The following GAB2 variants were observed in gnomAD, a reference collection of about 807,000 sequenced individuals.
GAB2 encodes the protein GRB2-associated-binding protein 2.
In GAB2, 26 loss-of-function variants were observed where a neutral mutation model predicts 65.5. The observed-to-expected ratio is 0.40, with a 90% CI of 0.29 to 0.55. The LOEUF (loss-of-function observed/expected upper bound fraction) is 0.55, where lower values mean the gene tolerates loss of function less well. GAB2 is among the 20% of genes least tolerant of loss of function. The pLI is 0.53. For synonymous variants in GAB2, 321 were observed against 329.6 expected, an observed-to-expected ratio of 0.97 and a Z score of 0.28; for missense variants, 884 against 875.8, an observed-to-expected ratio of 1.01 and a Z score of -0.12.
intron 1 of GAB2, among the ~76,000 whole-genome samples, chr11:78,295,931 C>T (rs1866810921): frequency 1.3e-5 from 2 of 152,144 alleles, no homozygotes; most frequent in African/African-American, 4.8e-5. Flanking sequence ...TCTGGGGCAG[C>T]GATCCCCAAC....
chr11:78,374,597 C>T (rs1856610299), intron 1 of GAB2, among the ~76,000 whole-genome samples: 2 of 152,194 alleles, frequency 1.3e-5, no homozygotes, highest in Admixed American at 1.3e-4. Flanking sequence ...CTATTATATG[C>T]TGGTCATTAC....
intron 1 of GAB2, among the ~76,000 whole-genome samples, chr11:78,343,186 C>T (rs1458123553): frequency 6.6e-6 from 1 of 151,990 alleles, no homozygotes; most frequent in African/African-American, 2.4e-5. Context: ...TCTAGAAAAC[C>T]ACCATGAGAA....
chr11:78,236,937 C>T (rs1297946362), intron 3 of GAB2, among the ~76,000 whole-genome samples: 2 of 152,132 alleles, frequency 1.3e-5, no homozygotes, highest in Non-Finnish European at 2.9e-5. Context: ...TAGTTGGATT[C>T]GACTGCTAAT....
intron 1 of GAB2, among the ~76,000 whole-genome samples, chr11:78,417,123 G>A (rs1043436792): frequency 6.6e-6 from 1 of 152,182 alleles, no homozygotes; most frequent in Non-Finnish European, 1.5e-5. Context: ...TGACGCTGCC[G>A]GTGATGCAGC....
chr11:78,356,937 C>T (rs1856367302), intron 1 of GAB2, among the ~76,000 whole-genome samples: 1 of 152,090 alleles, frequency 6.6e-6, no homozygotes, highest in South Asian at 2.1e-4. Flanking sequence ...TATAACATAC[C>T]TAGAATCAAA....
chr11:78,335,483 C>T (rs1367035065), intron 1 of GAB2, among the ~76,000 whole-genome samples: 1 of 152,202 alleles, frequency 6.6e-6, no homozygotes, highest in Non-Finnish European at 1.5e-5. Flanking sequence ...CCCAGCAACA[C>T]TTACTGAAGA....
intron 1 of GAB2, among the ~76,000 whole-genome samples, chr11:78,361,875 T>G (rs1856439670): frequency 7.3e-6 from 1 of 136,530 alleles, no homozygotes; most frequent in Admixed American, 7.2e-5. Context: ...ATCCTAGAGA[T>G]AAACTAACAT....
At chr11:78,405,767 G>C (rs1361041966) in intron 1 of GAB2, among the ~76,000 whole-genome samples, 1 of 152,208 alleles carries the variant, frequency 6.6e-6, no homozygotes, top group East Asian at 1.9e-4. Context: ...AATTCCATGA[G>C]TTTTCTTTAT....
intron 1 of GAB2, among the ~76,000 whole-genome samples, chr11:78,406,133 T>C (rs182677336): frequency 5.1e-4 from 78 of 152,332 alleles, no homozygotes; most frequent in African/African-American, 1.6e-3. Context: ...CACCCATCCC[T>C]GTAGAGTCAC....
chr11:78,291,754 T>C (rs1866688396), intron 1 of GAB2, among the ~76,000 whole-genome samples: 1 of 150,448 alleles, frequency 6.6e-6, no homozygotes, highest in African/African-American at 2.5e-5. Flanking sequence ...TTTTTAGAGA[T>C]GGAGTCTCAC....
At chr11:78,341,058 A>T (rs10899477) in intron 1 of GAB2, among the ~76,000 whole-genome samples, 24,279 of 152,202 alleles carry the variant, frequency 0.16, 2,579 homozygotes, top group East Asian at 0.41. Flanking sequence ...AGTCAAGTTC[A>T]TGTGCCTGGC....
rs548081445 is a variant in GAB2 at position 78,405,987 on chromosome 11, G to A, written c.75+11659C>T. Reference sequence around the variant, plus strand: ...AACTGTGGTCCAACCCTCACCCACAGCAGCAAAAACTGACTGACAACCTAG... The same window carrying A: ...AACTGTGGTCCAACCCTCACCCACAACAGCAAAAACTGACTGACAACCTAG... On this transcript the variant is annotated intron_variant, in intron 1 of 9. Coordinates refer to ENST00000361507, the MANE Select transcript of GAB2 (RefSeq NM_080491.3). Among the ~76,000 whole-genome samples, 5 of 152,334 alleles carry A rather than the reference G, an allele frequency of 3.3e-5. No individual in the cohort carries two copies. The South Asian group carries it at 1.0e-3, about 32-fold the overall frequency.
At chr11:78,235,711 C>G (rs1264492011) in intron 3 of GAB2, among the ~76,000 whole-genome samples, 1 of 152,170 alleles carries the variant, frequency 6.6e-6, no homozygotes, top group Non-Finnish European at 1.5e-5. Context: ...CCAACAAGTT[C>G]CTCATCTCCA....
chr11:78,250,253 G>A lies in GAB2; in HGVS notation c.524C>T (p.Pro175Leu). The change falls in exon 3 of 10, where the codon CCT (proline) becomes CTT (leucine). Residue 175 changes from proline to leucine, a missense_variant. Physicochemically the swap from Pro to Leu is moderately conservative, Grantham distance 98. Transcript: ENST00000361507. ...GGTGGGCTGCATGTGGTTTGACACAGGGGGTTCAAACGTGAACAGAGTTGG... is the reference window on the plus strand; with the variant it reads ...GGTGGGCTGCATGTGGTTTGACACAAGGGGTTCAAACGTGAACAGAGTTGG... ...SQPTLFTFEP[P>L]VSNHMQPTLS... 6.2e-7 allele frequency: 1 copy of A among 1,613,536 alleles called. No homozygotes were observed. Among genetic ancestry groups the A allele is most frequent in the Non-Finnish European group, 8.5e-7 (1 of 1,179,862 alleles).
At chr11:78,352,380 G>A (rs952329399) in intron 1 of GAB2, among the ~76,000 whole-genome samples, 12 of 152,310 alleles carry the variant, frequency 7.9e-5, no homozygotes, top group African/African-American at 2.9e-4. Context: ...CACAGAACCC[G>A]TCATAAGGCA....
chr11:78,322,345 T>C (rs1254090680), intron 1 of GAB2, among the ~76,000 whole-genome samples: 2 of 91,060 alleles, frequency 2.2e-5, no homozygotes, highest in Non-Finnish European at 4.8e-5. Context: ...TCTCAAACTA[T>C]AAAAATCCTA....
In GAB2 at chr11:78,284,770, C is replaced by T. The variant is rs191202928; in HGVS notation, c.76-3869G>A. On this transcript the variant is annotated intron_variant, in intron 1 of 9. Transcript: ENST00000361507. ...AAGATATCAATTTTTATGACTTTTCCGCACCCACCTCCCAGAAAGTAAACT... is the reference window on the plus strand; with the variant it reads ...AAGATATCAATTTTTATGACTTTTCTGCACCCACCTCCCAGAAAGTAAACT... Among the ~76,000 whole-genome samples, 655 of 151,936 alleles carry T rather than the reference C, an allele frequency of 4.3e-3. 4 individuals are homozygous for T. Among genetic ancestry groups the T allele is most frequent in the Non-Finnish European group, 6.9e-3 (472 of 67,984 alleles).
intron 1 of GAB2, among the ~76,000 whole-genome samples, chr11:78,336,478 T>C (rs1856004864): frequency 2.1e-5 from 1 of 47,288 alleles, no homozygotes; most frequent in African/African-American, 4.5e-5. Context: ...GTAATAGTTG[T>C]TGTTTTTTTT....
chr11:78,367,905 C>G (rs1403730046), intron 1 of GAB2, among the ~76,000 whole-genome samples: 1 of 150,876 alleles, frequency 6.6e-6, no homozygotes, highest in Non-Finnish European at 1.5e-5. Context: ...CAAGCTCCGC[C>G]TCCCGGATTC....
Sources: gnomAD v4.1 joint callset for allele counts (sites outside exome capture counted in the v4.1 genomes callset) on GRCh38, gnomAD v4.1.1 for gene constraint, MANE v1.5 for transcripts, NCBI Gene and HGNC (gene_info 2026-07-23, HGNC 2026-07-21) for gene names.